ZMAT4: variants seen among roughly 807,000 people sequenced by gnomAD.
The protein encoded by ZMAT4 is zinc finger matrin-type protein 4.
Under a neutral mutation model 28.7 loss-of-function variants are expected in ZMAT4, and 17 were observed. That is an observed-to-expected ratio of 0.59 (90% CI 0.41 to 0.89). The LOEUF (loss-of-function observed/expected upper bound fraction) is 0.89, where lower values mean the gene tolerates loss of function less well. Among genes scored for constraint, ZMAT4 ranks in the 40% least tolerant of loss-of-function variants. The pLI is 0.00. For synonymous variants in ZMAT4, 117 were observed against 109.2 expected (o/e 1.07, Z -0.44); for missense variants, 240 against 283.8 (o/e 0.85, Z 1.11).
rs560740908 is a variant in ZMAT4 at position 40,558,538 on chromosome 8, A to T, written c.674+22627T>A. On this transcript the variant is annotated intron_variant, in intron 6 of 6. Transcript: ENST00000297737. ...AATGGAGGGGAAGGAAGGAACTGCC[A>T]TTATCTTCAAGATTTCTGCCTTGAG... Among the ~76,000 whole-genome samples the T allele has an allele frequency of 3.0e-4, 46 of 152,184 alleles. 2 individuals carry two copies. In the South Asian group the frequency reaches 9.1e-3, roughly 30 times the overall value.
At chr8:40,864,035 C>T (rs1255931313) in intron 1 of ZMAT4, among the ~76,000 whole-genome samples, 1 of 152,190 alleles carries the variant, frequency 6.6e-6, no homozygotes, top group Non-Finnish European at 1.5e-5. Context: ...ACTCAGTCAC[C>T]ATGTGCACTG....
chr8:40,835,153 T>C (rs903577142), intron 1 of ZMAT4, among the ~76,000 whole-genome samples: 1 of 152,090 alleles, frequency 6.6e-6, no homozygotes, highest in African/African-American at 2.4e-5. Flanking sequence ...GGTGGAGAGC[T>C]TGGATTTTCA....
chr8:40,676,637 A>G (rs1340035633), intron 4 of ZMAT4, among the ~76,000 whole-genome samples: 2 of 152,210 alleles, frequency 1.3e-5, no homozygotes, highest in African/African-American at 4.8e-5. Flanking sequence ...GTGACATTTT[A>G]ATTCAAGTAA....
At chr8:40,864,094 A>G (rs1817594699) in intron 1 of ZMAT4, among the ~76,000 whole-genome samples, 1 of 152,220 alleles carries the variant, frequency 6.6e-6, no homozygotes, top group East Asian at 1.9e-4. Flanking sequence ...TCTTTTCCCA[A>G]TTAATGAATG....
At chr8:40,655,059 TAC>T (rs3038823) in intron 5 of ZMAT4, among the ~76,000 whole-genome samples, 7 of 148,782 alleles carry the variant, frequency 4.7e-5, no homozygotes, top group African/African-American at 1.2e-4. Flanking sequence ...AAGGAATACC[TAC>T]ACACACACAC....
At chr8:40,701,975 G>A (rs1008759765) in intron 3 of ZMAT4, among the ~76,000 whole-genome samples, 1 of 152,170 alleles carries the variant, frequency 6.6e-6, no homozygotes, top group Non-Finnish European at 1.5e-5. Context: ...TAAGAAGGCT[G>A]AGCCCCCATG....
chr8:40,588,237 T>G (rs1221892791), intron 5 of ZMAT4, among the ~76,000 whole-genome samples: 1 of 152,022 alleles, frequency 6.6e-6, no homozygotes, highest in Non-Finnish European at 1.5e-5. Flanking sequence ...ACAGATTTCT[T>G]AGGAAACAAA....
intron 1 of ZMAT4, among the ~76,000 whole-genome samples, chr8:40,828,665 C>A (rs1035231358): frequency 3.9e-5 from 6 of 151,926 alleles, no homozygotes; most frequent in African/African-American, 1.5e-4. Flanking sequence ...CAATAAGGAC[C>A]CCTCTGAAAT....
At chr8:40,818,776 G>T (rs1815640055) in intron 2 of ZMAT4, among the ~76,000 whole-genome samples, 1 of 152,152 alleles carries the variant, frequency 6.6e-6, no homozygotes, top group South Asian at 2.1e-4. Context: ...CACACCGCCT[G>T]ATCTAAAACC....
chr8:40,671,584 G>T (rs1397853039), intron 5 of ZMAT4, among the ~76,000 whole-genome samples: 1 of 152,194 alleles, frequency 6.6e-6, no homozygotes, highest in Non-Finnish European at 1.5e-5. Context: ...CATATTTTAT[G>T]ATTCCACTTA....
chr8:40,709,052 C>T (rs1326960056), intron 3 of ZMAT4, among the ~76,000 whole-genome samples: 3 of 152,122 alleles, frequency 2.0e-5, no homozygotes. Context: ...TTCCAGGACC[C>T]CCTACAGTTG....
Position 40,697,386 on chromosome 8 carries a change from T to A in ZMAT4, c.208A>T (p.Met70Leu). ...GTGCAGCACTTGTTCTTATCCACCA[T>A]GTCGGCATCACTTCCCTGCGCAGGG... ...LRSENGSDAD[M>L]VDKNKCCTLC... Residue 70 changes from methionine to leucine, a missense_variant, in exon 4 of 7, where the codon ATG becomes TTG. Coordinates refer to ENST00000297737, the MANE Select transcript of ZMAT4 (RefSeq NM_024645.3). 1.3e-6 allele frequency: 2 copies of A among 1,595,974 alleles called. No homozygotes were observed. Among genetic ancestry groups the A allele is most frequent in the Non-Finnish European group, 1.7e-6 (2 of 1,169,684 alleles).
At chr8:40,659,449 A>G (rs1029975320) in intron 5 of ZMAT4, among the ~76,000 whole-genome samples, 4 of 152,182 alleles carry the variant, frequency 2.6e-5, no homozygotes, top group Non-Finnish European at 4.4e-5. Context: ...GCTCTTTGCT[A>G]TGAACATATA....
chr8:40,820,626 ATG>A (rs1712209899), intron 2 of ZMAT4, among the ~76,000 whole-genome samples: 1 of 81,572 alleles, frequency 1.2e-5, no homozygotes, highest in African/African-American at 4.3e-5. Flanking sequence ...ATGTGTGTGT[ATG>A]TGTGTGGGAG....
chr8:40,644,877 T>C (rs142192872), intron 5 of ZMAT4, among the ~76,000 whole-genome samples: 10 of 152,340 alleles, frequency 6.6e-5, no homozygotes, highest in African/African-American at 2.2e-4. Flanking sequence ...TATCCCAGTC[T>C]AATCCTGAGA....
intron 5 of ZMAT4, among the ~76,000 whole-genome samples, chr8:40,593,242 G>A (rs1804955597): frequency 6.6e-6 from 1 of 152,132 alleles, no homozygotes; most frequent in African/African-American, 2.4e-5. Context: ...TGTTAATTCA[G>A]CTTCCTTTAT....
At chr8:40,720,506 G>C (rs1254669979) in intron 3 of ZMAT4, among the ~76,000 whole-genome samples, 1 of 149,992 alleles carries the variant, frequency 6.7e-6, no homozygotes, top group Admixed American at 6.6e-5. Context: ...TAAAATATCA[G>C]CATGCCTGGG....
intron 5 of ZMAT4, among the ~76,000 whole-genome samples, chr8:40,633,485 C>G (rs1264710120): frequency 1.3e-5 from 2 of 152,108 alleles, no homozygotes; most frequent in African/African-American, 4.8e-5. Flanking sequence ...CAAGGGGTGA[C>G]CAGAAGATGG....
chr8:40,678,834 T>C (rs1809020009), intron 4 of ZMAT4, among the ~76,000 whole-genome samples: 1 of 152,190 alleles, frequency 6.6e-6, no homozygotes, highest in South Asian at 2.1e-4. Flanking sequence ...TGAAGTCACA[T>C]GAGATGATTT....
Sources: allele counts gnomAD v4.1 joint callset (sites outside exome capture counted in the v4.1 genomes callset), GRCh38; gene constraint gnomAD v4.1.1; transcripts MANE v1.5; gene names NCBI Gene and HGNC (gene_info 2026-07-23, HGNC 2026-07-21).